HTR7: variants seen among roughly 807,000 people sequenced by gnomAD.
HTR7 encodes 5-hydroxytryptamine receptor 7.
HTR7 carries 16 observed loss-of-function variants against 34.0 expected under a neutral mutation model. The ratio of observed to expected loss-of-function variants is 0.47; its 90% CI spans 0.32 to 0.71. HTR7 has a LOEUF of 0.71. Ranked by LOEUF, HTR7 falls within the 30% of genes least tolerant of loss-of-function variation. The probability of loss-of-function intolerance (pLI) is 0.04; values close to 1 mark genes in which losing one functional copy is unlikely to be tolerated. For synonymous variants in HTR7, 265 were observed against 260.2 expected (o/e 1.02, Z -0.18); for missense variants, 504 against 625.5 (o/e 0.81, Z 2.07).
chr10:90,834,508 C>T (rs1042474797), intron 1 of HTR7, among the ~76,000 whole-genome samples: 4 of 152,186 alleles, frequency 2.6e-5, no homozygotes, highest in Admixed American at 2.6e-4. Context: ...TGTGAGTCAG[C>T]TGGGCTGTTC....
At chr10:90,765,404 C>T (rs945568677) in intron 1 of HTR7, among the ~76,000 whole-genome samples, 17 of 151,778 alleles carry the variant, frequency 1.1e-4, no homozygotes, top group Non-Finnish European at 1.9e-4. Flanking sequence ...TCTTTCATTT[C>T]TGATTTATTT....
At chr10:90,769,706 A>AAATC (rs578080873) in intron 1 of HTR7, among the ~76,000 whole-genome samples, 9 of 148,622 alleles carry the variant, frequency 6.1e-5, no homozygotes, top group African/African-American at 2.3e-4. Flanking sequence ...TAGAATTAGA[A>AAATC]AATCAATTAT....
chr10:90,813,184 C>A (rs1354602614), intron 1 of HTR7, among the ~76,000 whole-genome samples: 2 of 152,208 alleles, frequency 1.3e-5, no homozygotes, highest in Non-Finnish European at 1.5e-5. Flanking sequence ...CTTAGCCCGC[C>A]TGCACCCAGG....
At chr10:90,752,738 C>T (rs1054766071) in intron 1 of HTR7, among the ~76,000 whole-genome samples, 6 of 152,150 alleles carry the variant, frequency 3.9e-5, no homozygotes, top group Admixed American at 1.3e-4. Flanking sequence ...AAAGGAGTCA[C>T]TTTAAATCAC....
At chr10:90,800,034 A>C (rs1005848621) in intron 1 of HTR7, among the ~76,000 whole-genome samples, 1 of 152,230 alleles carries the variant, frequency 6.6e-6, no homozygotes, top group African/African-American at 2.4e-5. Context: ...ATATCTCATC[A>C]AAGAAATTAC....
chr10:90,857,560 C>A lies in HTR7; in HGVS notation c.112G>T (p.Asp38Tyr). The change falls in exon 1 of 4, where the codon GAC (aspartate) becomes TAC (tyrosine). Residue 38 changes from aspartate (D) to tyrosine (Y), a missense_variant. Around this residue, in one of 4 missense-constraint regions of HTR7, gnomAD observed 139 missense variants for 117.1 expected, o/e 1.19. Transcript: ENST00000336152. This position sits in a 1 kb window ranked among gnomAD's most constrained non-coding sequence, Gnocchi z 6.5. Reference sequence around the variant, plus strand: ...GGCGCCCAGGAGCCCGCGACCGGGTCGGCGCCACCGTCGGGGCTCAAGTCG... The same window carrying A: ...GGCGCCCAGGAGCCCGCGACCGGGTAGGCGCCACCGTCGGGGCTCAAGTCG... The part of the protein sequence containing the change: ...LPDLSPDGGA[D>Y]PVAGSWAPHL... The A allele has an allele frequency of 6.3e-7, 1 of 1,596,118 alleles. No individual in the cohort carries two copies. The highest frequency in any genetic ancestry group is 8.5e-7 in the Non-Finnish European group (1 of 1,172,606).
intron 1 of HTR7, among the ~76,000 whole-genome samples, chr10:90,812,567 C>T (rs1352983924): frequency 2.0e-5 from 3 of 152,140 alleles, no homozygotes; most frequent in Non-Finnish European, 2.9e-5. Context: ...CAGGCCATCA[C>T]CAATCATTCT....
chr10:90,841,071 G>C (rs777950736), intron 1 of HTR7, among the ~76,000 whole-genome samples: 3 of 152,178 alleles, frequency 2.0e-5, no homozygotes, highest in Admixed American at 1.3e-4. Flanking sequence ...CAGAAAAAGA[G>C]CCATGGCTTC....
intron 1 of HTR7, among the ~76,000 whole-genome samples, chr10:90,772,375 AC>A (rs1489947316): frequency 6.6e-6 from 1 of 152,190 alleles, no homozygotes; most frequent in Non-Finnish European, 1.5e-5. Flanking sequence ...TCAATGTCTT[AC>A]TTTTCTTCTA....
At chr10:90,829,451 G>A (rs1477962391) in intron 1 of HTR7, among the ~76,000 whole-genome samples, 2 of 151,668 alleles carry the variant, frequency 1.3e-5, no homozygotes, top group African/African-American at 4.8e-5. Context: ...AGGTATACAC[G>A]TGCCATGGTG....
intron 2 of HTR7, among the ~76,000 whole-genome samples, chr10:90,748,295 C>T (rs929668374): frequency 1.1e-4 from 16 of 152,116 alleles, no homozygotes; most frequent in African/African-American, 3.1e-4. Flanking sequence ...CCACCATGTC[C>T]GGCTCTTGTA....
intron 1 of HTR7, among the ~76,000 whole-genome samples, chr10:90,827,724 TA>T (rs1264276272): frequency 6.6e-5 from 10 of 152,214 alleles, no homozygotes; most frequent in African/African-American, 2.4e-4. Flanking sequence ...AGTACCCAGA[TA>T]TATAAAGAAA....
chr10:90,788,079 G>A (rs76455283), intron 1 of HTR7, among the ~76,000 whole-genome samples: 2,624 of 152,148 alleles, frequency 0.017, 85 homozygotes, highest in African/African-American at 0.059. Context: ...CTGCAACAGT[G>A]GGTGTTAGCA....
At chr10:90,852,355 G>C (rs1027128956) in intron 1 of HTR7, among the ~76,000 whole-genome samples, 1 of 151,884 alleles carries the variant, frequency 6.6e-6, no homozygotes, top group Non-Finnish European at 1.5e-5. Flanking sequence ...GAATGAATAC[G>C]GACTGTTACA....
intron 1 of HTR7, among the ~76,000 whole-genome samples, chr10:90,759,579 C>T (rs942727026): frequency 2.7e-5 from 4 of 148,252 alleles, no homozygotes; most frequent in African/African-American, 9.9e-5. Context: ...GGCGTGAACC[C>T]GGGAAGCGGA....
chr10:90,828,073 CACAA>C (rs2120037958), intron 1 of HTR7, among the ~76,000 whole-genome samples: 2 of 145,112 alleles, frequency 1.4e-5, no homozygotes, highest in East Asian at 4.1e-4. Context: ...TTGGAAACCA[CACAA>C]ACACACGGAA....
chr10:90,818,909 G>A (rs917765570), intron 1 of HTR7, among the ~76,000 whole-genome samples: 1 of 152,140 alleles, frequency 6.6e-6, no homozygotes, highest in Non-Finnish European at 1.5e-5. Context: ...TTAAAGGTAT[G>A]CAGCACTTCC....
At chr10:90,853,824 G>A (rs1324458487) in intron 1 of HTR7, among the ~76,000 whole-genome samples, 2 of 152,160 alleles carry the variant, frequency 1.3e-5, no homozygotes. Context: ...TCTTCTTAGG[G>A]AATAGCTCGG....
chr10:90,845,058 G>C lies in HTR7; in HGVS notation c.539+12075C>G, dbSNP rs549936257. On this transcript the variant is annotated intron_variant, in intron 1 of 3. Transcript: ENST00000336152. The stretch of plus-strand genomic sequence containing the variant: ...CTGAAGTTGAGTTGCTGGGGGTAGG[G>C]GGCTGTGTAGGCACAATCAGGAGGA... Among the ~76,000 whole-genome samples the C allele has an allele frequency of 5.2e-4, 79 of 152,212 alleles. 5 individuals are homozygous for C. The highest frequency in any genetic ancestry group is 5.2e-3 in the Admixed American group (79 of 15,286).
Sources: gnomAD v4.1 joint callset for allele counts (sites outside exome capture counted in the v4.1 genomes callset) on GRCh38, gnomAD v4.1.1 for gene constraint, gnomAD v4.1.1 regional missense constraint, Gnocchi (gnomAD v3.1) non-coding constraint, MANE v1.5 for transcripts, NCBI Gene and HGNC (gene_info 2026-07-23, HGNC 2026-07-21) for gene names.